Variants in PLXNA2 observed in about 807,000 individuals in gnomAD.
PLXNA2 encodes plexin A2.
In PLXNA2, 91 loss-of-function variants were observed where a neutral mutation model predicts 193.5. The observed-to-expected ratio is 0.47, with a 90% CI of 0.40 to 0.56. The LOEUF is 0.56. Ranked by LOEUF, PLXNA2 falls within the 20% of genes least tolerant of loss-of-function variation. The pLI, the probability that PLXNA2 is intolerant of heterozygous loss-of-function variation, is 0.00. For synonymous variants in PLXNA2, 997 were observed against 1,027.3 expected, an observed-to-expected ratio of 0.97 and a Z score of 0.56; for missense variants, 1,995 against 2,503.2, an observed-to-expected ratio of 0.80 and a Z score of 4.33.
chr1:208,100,877 A>G lies in PLXNA2; in HGVS notation c.1608-1908T>C, dbSNP rs143321997. ...GCTTCAGGTTACTGTCTGCCTTGTC[A>G]CATGGAAACCCGCTCCACGGCTGGT... On this transcript the variant is annotated intron_variant, in intron 5 of 31. Coordinates refer to ENST00000367033, the MANE Select transcript of PLXNA2 (RefSeq NM_025179.4). Among the ~76,000 whole-genome samples the G allele has an allele frequency of 3.4e-3, 522 of 152,262 alleles. 1 individual carries two copies. Among genetic ancestry groups the G allele is most frequent in the African/African-American group, 0.012 (499 of 41,556 alleles).
chr1:208,222,619 A>C lies in PLXNA2; in HGVS notation c.-80-4617T>G, dbSNP rs992599882. 4.6e-5 allele frequency among the ~76,000 whole-genome samples: 7 copies of C among 152,206 alleles called. No homozygotes were observed. The South Asian group carries it at 1.4e-3, about 32-fold the overall frequency. ...TTCCTGATCAGCTGCTGCGGGCGTC[A>C]GTGGCAAAGCAGGGAAGAAATGACA... On this transcript the variant is annotated intron_variant, in intron 1 of 31. Coordinates refer to ENST00000367033, the MANE Select transcript of PLXNA2 (RefSeq NM_025179.4).
At chr1:208,211,754 T>C (rs1282528142) in intron 2 of PLXNA2, among the ~76,000 whole-genome samples, 1 of 152,108 alleles carries the variant, frequency 6.6e-6, no homozygotes, top group African/African-American at 2.4e-5. Context: ...TATCCCCTGT[T>C]CTGCTACTAA....
intron 3 of PLXNA2, among the ~76,000 whole-genome samples, chr1:208,193,554 A>G (rs1670252545): frequency 6.6e-6 from 1 of 152,238 alleles, no homozygotes; most frequent in Non-Finnish European, 1.5e-5. Context: ...ATGTATATTT[A>G]TGAAAGCTCT....
intron 2 of PLXNA2, among the ~76,000 whole-genome samples, chr1:208,211,560 GTGT>G (rs1558246843): frequency 1.3e-5 from 2 of 152,188 alleles, no homozygotes; most frequent in Admixed American, 6.5e-5. Context: ...AGGCGTGGTG[GTGT>G]GTGCCTGTAG....
chr1:208,066,594 G>A (rs187058631), intron 12 of PLXNA2, among the ~76,000 whole-genome samples: 1 of 152,170 alleles, frequency 6.6e-6, no homozygotes, highest in East Asian at 1.9e-4. Context: ...GATGCTAAAT[G>A]ACTAGGTTAT....
Position 208,082,294 on chromosome 1 carries a change from G to C in PLXNA2, c.2395+118C>G. On this transcript the variant is annotated intron_variant, in intron 11 of 31. Coordinates refer to ENST00000367033, the MANE Select transcript of PLXNA2 (RefSeq NM_025179.4). The surrounding 1 kb of genome is among the most constrained non-coding windows in gnomAD (Gnocchi z 4.2). ...GCTTTAGGATCCTCTGAAGAGTTCC[G>C]CCGACAGAGGGAGTGTATTATTCAT... The C allele has an allele frequency of 1.3e-6, 1 of 759,352 alleles. No homozygotes were observed. The highest frequency in any genetic ancestry group is 2.3e-6 in the Non-Finnish European group (1 of 438,974). The allele number at this position is 759,352 out of a possible 1,614,324, so 47.0% of individuals were successfully genotyped here.
Position 208,085,478 on chromosome 1 carries a change from T to C in PLXNA2, c.2098-898A>G, listed in dbSNP as rs1356788525. On this transcript the variant is annotated intron_variant, in intron 9 of 31. Coordinates refer to ENST00000367033, the MANE Select transcript of PLXNA2 (RefSeq NM_025179.4). ...ACTTCTGGGAATGTCTGGGGGCTGA[T>C]GCTGCTACAGGGCCTGCAGAGGGTG... Among the ~76,000 whole-genome samples, 5 of 152,358 alleles carry C rather than the reference T, an allele frequency of 3.3e-5. No homozygotes were observed. The East Asian group carries it at 7.7e-4, about 24-fold the overall frequency.
At chr1:208,183,215 G>A (rs1300742459) in intron 3 of PLXNA2, among the ~76,000 whole-genome samples, 2 of 152,110 alleles carry the variant, frequency 1.3e-5, no homozygotes, top group Non-Finnish European at 2.9e-5. Flanking sequence ...TGGCAACTCA[G>A]ACAGGGGAGA....
chr1:208,104,111 C>A (rs1356015385), intron 4 of PLXNA2, among the ~76,000 whole-genome samples: 1 of 152,208 alleles, frequency 6.6e-6, no homozygotes, highest in Non-Finnish European at 1.5e-5. Flanking sequence ...TGCTGGGCTG[C>A]AAAAACATTT....
In PLXNA2 at chr1:208,027,235, TC is replaced by T; in HGVS notation, c.*7del. On this transcript the variant is annotated 3_prime_UTR_variant, in exon 32 of 32. Transcript: ENST00000367033. The stretch of plus-strand genomic sequence containing the variant: ...GTCCCTCTTCCCAGGAATGCGAGGC[TC>T]CTCCTCTCAGCTCTCAATGGACATG... 2 of 1,610,776 alleles carry T rather than the reference TC, an allele frequency of 1.2e-6. No individual in the cohort carries two copies. Among genetic ancestry groups the T allele is most frequent in the Non-Finnish European group, 1.7e-6 (2 of 1,177,590 alleles).
intron 2 of PLXNA2, among the ~76,000 whole-genome samples, chr1:208,215,670 G>A (rs567500264): frequency 6.6e-6 from 1 of 151,976 alleles, no homozygotes; most frequent in South Asian, 2.1e-4. Flanking sequence ...TGCATGGAGG[G>A]AGAGAGCTAA....
At chr1:208,103,474 C>T (rs897418588) in intron 4 of PLXNA2, among the ~76,000 whole-genome samples, 4 of 152,184 alleles carry the variant, frequency 2.6e-5, no homozygotes, top group South Asian at 2.1e-4. Context: ...CTTGCCTTCG[C>T]GAGAGGTAGC....
chr1:208,205,824 G>A (rs1012330715), intron 3 of PLXNA2, among the ~76,000 whole-genome samples: 3 of 152,134 alleles, frequency 2.0e-5, no homozygotes, highest in Non-Finnish European at 2.9e-5. Context: ...TTGCTGTAAC[G>A]CCTACCCAGT....
In PLXNA2 at chr1:208,098,890, C is replaced by G; in HGVS notation, c.1687G>C (p.Ala563Pro). The G allele has an allele frequency of 6.2e-7, 1 of 1,613,966 alleles. No homozygotes were observed. The highest frequency in any genetic ancestry group is 1.1e-5 in the South Asian group (1 of 90,970). ...AASISQCVSLAVHPSSISVSE... is the reference protein window; with the variant it reads ...AASISQCVSLPVHPSSISVSE... ...ACTGAGATGCTGCTGGGATGCACTG[C>G]AAGGCTCACACACTGGCTGATGCTG... Residue 563 changes from alanine (A) to proline (P), a missense_variant, in exon 6 of 32, where the codon GCA becomes CCA. Coordinates refer to ENST00000367033, the MANE Select transcript of PLXNA2 (RefSeq NM_025179.4).
chr1:208,104,753 C>G (rs1305014886), intron 4 of PLXNA2, among the ~76,000 whole-genome samples: 1 of 152,104 alleles, frequency 6.6e-6, no homozygotes, highest in South Asian at 2.1e-4. Context: ...CTTAACATTG[C>G]ATATATGAGG....
intron 4 of PLXNA2, among the ~76,000 whole-genome samples, chr1:208,128,199 TG>T (rs1249482382): frequency 3.9e-5 from 6 of 152,174 alleles, no homozygotes; most frequent in African/African-American, 9.7e-5. Flanking sequence ...AACTGGCAAA[TG>T]AGCCTCCACA....
chr1:208,181,483 G>C (rs1168435680), intron 3 of PLXNA2, among the ~76,000 whole-genome samples: 1 of 152,156 alleles, frequency 6.6e-6, no homozygotes, highest in Non-Finnish European at 1.5e-5. Context: ...AGCTCCACAG[G>C]CTTCCTTTGC....
chr1:208,033,912 C>T (rs72731354), intron 27 of PLXNA2, among the ~76,000 whole-genome samples: 6,700 of 152,274 alleles, frequency 0.044, 223 homozygotes, highest in Non-Finnish European at 0.069. Flanking sequence ...TCTCTTCTTG[C>T]ATGGGGCCTG....
chr1:208,081,572 CTG>C, intron 11 of PLXNA2, among the ~76,000 whole-genome samples: 1 of 152,334 alleles, frequency 6.6e-6, no homozygotes, highest in Middle Eastern at 3.4e-3. Context: ...TGAAATTAGA[CTG>C]TCTTGGTTCC....
Sources: gnomAD v4.1 joint callset for allele counts (sites outside exome capture counted in the v4.1 genomes callset) on GRCh38, gnomAD v4.1.1 for gene constraint, Gnocchi (gnomAD v3.1) non-coding constraint, MANE v1.5 for transcripts, NCBI Gene and HGNC (gene_info 2026-07-23, HGNC 2026-07-21) for gene names.